The following EML4 variants were observed in gnomAD, a reference collection of about 807,000 sequenced individuals.
The protein encoded by EML4 is echinoderm microtubule-associated protein-like 4.
Under a neutral mutation model 129.0 loss-of-function variants are expected in EML4, and 72 were observed. The ratio of observed to expected loss-of-function variants is 0.56; its 90% CI spans 0.46 to 0.68. EML4 has a LOEUF of 0.68. Ranked by LOEUF, EML4 falls within the 30% of genes least tolerant of loss-of-function variation. EML4 has a pLI of 0.00. For missense variants in EML4, 1,363 were observed against 1,190.6 expected (o/e 1.14, Z -2.13); for synonymous variants, 532 against 405.0 (o/e 1.31, Z -3.77).
chr2:42,176,362 C>T (rs1558474494), intron 1 of EML4, among the ~76,000 whole-genome samples: 2 of 152,118 alleles, frequency 1.3e-5, no homozygotes, highest in Admixed American at 6.5e-5. Flanking sequence ...TGTACAGGGC[C>T]CTCAGATTTA....
chr2:42,330,485 T>G lies in EML4; in HGVS notation c.*278T>G, dbSNP rs957244665. On this transcript the variant is annotated 3_prime_UTR_variant, in exon 23 of 23. Transcript: ENST00000318522. ...TACTGTGTACCTAAGTGGTGTGATG[T>G]AAATACTGGAAACAAAAACAGCAGT... 8 of 520,362 alleles carry G rather than the reference T, an allele frequency of 1.5e-5. No individual in the cohort carries two copies. The highest frequency in any genetic ancestry group is 2.8e-5 in the Non-Finnish European group (8 of 286,744). The allele number at this position is 520,362 out of a possible 1,614,324, so 32.2% of individuals were successfully genotyped here. A position where few individuals can be genotyped will look rare whatever the true frequency, so the allele number is the denominator to read the frequency against.
intron 1 of EML4, among the ~76,000 whole-genome samples, chr2:42,206,048 C>T (rs1201003689): frequency 6.6e-6 from 1 of 152,106 alleles, no homozygotes; most frequent in Non-Finnish European, 1.5e-5. Context: ...ACTCATTTGA[C>T]AATTACTCTT....
intron 1 of EML4, among the ~76,000 whole-genome samples, chr2:42,195,753 T>C (rs766428441): frequency 3.1e-4 from 47 of 152,236 alleles, no homozygotes; most frequent in Middle Eastern, 3.2e-3. Flanking sequence ...GACTCATTTT[T>C]CAAGGAGCTT....
intron 2 of EML4, among the ~76,000 whole-genome samples, chr2:42,247,868 C>T (rs1675514268): frequency 6.6e-6 from 1 of 151,816 alleles, no homozygotes; most frequent in South Asian, 2.1e-4. Context: ...AACAAATTTC[C>T]TATATATAAT....
chr2:42,303,597 T>C (rs1225352369), intron 16 of EML4, 151 bp downstream of exon 16: 21 of 890,764 alleles, frequency 2.4e-5, no homozygotes, highest in Middle Eastern at 5.2e-4. Context: ...GAGGGTAGCG[T>C]TTAGTCTTAA....
chr2:42,247,493 G>A (rs1356129307), intron 2 of EML4, among the ~76,000 whole-genome samples: 1 of 152,038 alleles, frequency 6.6e-6, no homozygotes, highest in Admixed American at 6.6e-5. Flanking sequence ...TGTACTCTGG[G>A]TCTGTGTATT....
intron 7 of EML4, 114 bp from the exon 8 acceptor site, chr2:42,282,709 G>A (rs1464737060): frequency 8.4e-6 from 8 of 955,496 alleles, no homozygotes; most frequent in Middle Eastern, 5.7e-4. Flanking sequence ...GAGTTTTCTA[G>A]TTCTAGTTCA....
intron 1 of EML4, among the ~76,000 whole-genome samples, chr2:42,203,201 A>T (rs372130556): frequency 6.6e-6 from 1 of 152,230 alleles, no homozygotes; most frequent in South Asian, 2.1e-4. Flanking sequence ...ATTGTGTCCC[A>T]TAAGTACATA....
chr2:42,311,297 G>C (rs1369175341), intron 17 of EML4, among the ~76,000 whole-genome samples: 1 of 152,156 alleles, frequency 6.6e-6, no homozygotes, highest in African/African-American at 2.4e-5. Flanking sequence ...GGCTGGTGCA[G>C]TGCTCACACC....
chr2:42,325,525 C>A lies in EML4; in HGVS notation c.2213C>A (p.Ser738Tyr). The change falls in exon 20 of 23, where the codon TCT becomes TAT. Residue 738 changes from serine (S) to tyrosine (Y), a missense_variant. By Grantham distance (144) the Ser-to-Tyr change is moderately radical. Transcript: ENST00000318522. Reference protein sequence around the residue: ...DWSPDNKYIMSNSGDYEILYW... With the variant: ...DWSPDNKYIMYNSGDYEILYW... ...TCCCCAGACAACAAGTATATAATGT[C>A]TAACTCGGGAGACTATGAAATATTG... The A allele has an allele frequency of 6.4e-7, 1 of 1,552,198 alleles. No individual in the cohort carries two copies. The highest frequency in any genetic ancestry group is 8.8e-7 in the Non-Finnish European group (1 of 1,135,280).
rs1320800817 is a variant in EML4 at position 42,282,816 on chromosome 2, T to C, written c.792-7T>C. On this transcript the variant is annotated splice_region_variant and splice_polypyrimidine_tract_variant and intron_variant, in intron 7 of 22. Coordinates refer to ENST00000318522, the MANE Select transcript of EML4 (RefSeq NM_019063.5). ...TTATTTAAAACCTTGACTCTTTTTC[T>C]GTTAAGATATGGTTATCGAGGAAAG... The C allele has an allele frequency of 1.2e-6, 2 of 1,606,590 alleles. No individual in the cohort carries two copies. The highest frequency in any genetic ancestry group is 2.7e-5 in the African/African-American group (2 of 74,502).
intron 17 of EML4, among the ~76,000 whole-genome samples, chr2:42,307,550 G>A (rs1668680317): frequency 6.6e-6 from 1 of 152,142 alleles, no homozygotes; most frequent in South Asian, 2.1e-4. Flanking sequence ...ATACCTGAAT[G>A]TATTGTCTAA....
chr2:42,229,651 A>G (rs1010111263), intron 1 of EML4, among the ~76,000 whole-genome samples: 10 of 152,164 alleles, frequency 6.6e-5, no homozygotes, highest in Admixed American at 5.9e-4. Flanking sequence ...GGAGGGAAGT[A>G]AAGTAGATTT....
intron 11 of EML4, chr2:42,288,958 C>T (rs1201342520): frequency 1.3e-5 from 2 of 152,170 alleles, no homozygotes; most frequent in South Asian, 4.1e-4. Flanking sequence ...GATAGAATGG[C>T]TTTAAAAAGT....
chr2:42,282,787 G>T, intron 7 of EML4, 36 bp from the exon 8 acceptor site: 2 of 1,585,388 alleles, frequency 1.3e-6, no homozygotes, highest in African/African-American at 1.4e-5. Flanking sequence ...CTTGAAAACT[G>T]TGTTTATTTA....
In EML4 at chr2:42,295,222, G is replaced by C. The variant is rs760824132; in HGVS notation, c.1316G>C (p.Ser439Thr). 1.2e-6 allele frequency: 2 copies of C among 1,613,690 alleles called. No individual in the cohort carries two copies. The highest frequency in any genetic ancestry group is 8.5e-7 in the Non-Finnish European group (1 of 1,179,920). ...GKSHIFFWTW[S>T]GNSLTRKQGI... ...TCTCATATTTTCTTCTGGACCTGGAGCGGCAATTCACTAACAAGAAAACAG... is the reference window on the plus strand; with the variant it reads ...TCTCATATTTTCTTCTGGACCTGGACCGGCAATTCACTAACAAGAAAACAG... Residue 439 changes from serine (S) to threonine (T), a missense_variant, in exon 12 of 23, where the codon AGC becomes ACC. Physicochemically the swap from Ser to Thr is moderately conservative, Grantham distance 58. Coordinates refer to ENST00000318522, the MANE Select transcript of EML4 (RefSeq NM_019063.5).
At chr2:42,278,934 T>A (rs201096156) in intron 6 of EML4, among the ~76,000 whole-genome samples, 2 of 88,684 alleles carry the variant, frequency 2.3e-5, no homozygotes, top group Admixed American at 1.7e-4. Context: ...GAAACTCTCT[T>A]GGAAAAAAAA....
chr2:42,169,553 G>A lies in EML4; in HGVS notation c.-59G>A. On this transcript the variant is annotated 5_prime_UTR_variant, in exon 1 of 23. Coordinates refer to ENST00000318522, the MANE Select transcript of EML4 (RefSeq NM_019063.5). ...CAGGCTCAGCGTCGGCCACTCTGTC[G>A]GTCCGCTGAATGAAGTGCCCGCCCC... 6.4e-7 allele frequency: 1 copy of A among 1,574,602 alleles called. No individual in the cohort carries two copies. The highest frequency in any genetic ancestry group is 8.6e-7 in the Non-Finnish European group (1 of 1,164,600).
chr2:42,264,987 T>G (rs539974163), intron 6 of EML4: 4 of 1,536,308 alleles, frequency 2.6e-6, no homozygotes, highest in African/African-American at 2.8e-5. Flanking sequence ...GCCTTCTAAG[T>G]GAATTTTTTC....
Sources: allele counts gnomAD v4.1 joint callset (sites outside exome capture counted in the v4.1 genomes callset), GRCh38; gene constraint gnomAD v4.1.1; transcripts MANE v1.5; gene names NCBI Gene and HGNC (gene_info 2026-07-23, HGNC 2026-07-21).